Variants in C9orf85 observed in about 807,000 individuals in gnomAD.
The protein encoded by C9orf85 is chromosome 9 open reading frame 85.
In C9orf85, 16 loss-of-function variants were observed where a neutral mutation model predicts 14.9. That is an observed-to-expected ratio of 1.08 (90% CI 0.73 to 1.63). The LOEUF (loss-of-function observed/expected upper bound fraction) is 1.63, where lower values mean the gene tolerates loss of function less well. Ranked by LOEUF, C9orf85 falls within the 40% of genes most tolerant of loss-of-function variation. C9orf85 has a pLI of 0.00. For missense variants in C9orf85, 172 were observed against 186.1 expected (o/e 0.92, Z 0.44); for synonymous variants, 45 against 56.8 (o/e 0.79, Z 0.93).
chr9:71,917,216 G>A (rs1827672088), intron 1 of C9orf85, among the ~76,000 whole-genome samples: 1 of 152,190 alleles, frequency 6.6e-6, no homozygotes, highest in South Asian at 2.1e-4. Flanking sequence ...ACAGAAATGA[G>A]TGTGGTTTAT....
chr9:71,966,865 A>C (rs1822706471), intron 2 of C9orf85, among the ~76,000 whole-genome samples: 1 of 152,220 alleles, frequency 6.6e-6, no homozygotes, highest in African/African-American at 2.4e-5. Context: ...AGCTGAGTTG[A>C]TCTTTCCTAG....
intron 2 of C9orf85, among the ~76,000 whole-genome samples, chr9:71,966,781 G>T (rs962587753): frequency 3.9e-5 from 6 of 152,208 alleles, no homozygotes; most frequent in African/African-American, 1.4e-4. Context: ...GTCTTGTTAT[G>T]CAGATGAAAC....
intron 1 of C9orf85, among the ~76,000 whole-genome samples, chr9:71,940,242 G>A (rs905259154): frequency 3.3e-5 from 5 of 151,868 alleles, no homozygotes; most frequent in South Asian, 4.2e-4. Context: ...AAAAAAAGAC[G>A]CAAAAGATTT....
chr9:71,915,634 G>A (rs756869724), intron 1 of C9orf85, among the ~76,000 whole-genome samples: 15 of 151,828 alleles, frequency 9.9e-5, no homozygotes, highest in Non-Finnish European at 2.9e-5. Context: ...AAGTATATAA[G>A]GTACTGTATA....
chr9:71,933,874 CT>C (rs1011009245), intron 1 of C9orf85, among the ~76,000 whole-genome samples: 1 of 151,014 alleles, frequency 6.6e-6, no homozygotes, highest in African/African-American at 2.4e-5. Context: ...TTTTTTTTTT[CT>C]GATCCCGAAT....
intron 1 of C9orf85, among the ~76,000 whole-genome samples, chr9:71,924,987 C>T (rs1352560594): frequency 2.0e-5 from 3 of 152,050 alleles, no homozygotes; most frequent in Non-Finnish European, 2.9e-5. Flanking sequence ...TGAATTTAAA[C>T]GCACCAATAC....
At chr9:71,944,778 A>G (rs1181498628) in intron 1 of C9orf85, among the ~76,000 whole-genome samples, 3 of 152,128 alleles carry the variant, frequency 2.0e-5, no homozygotes, top group African/African-American at 7.2e-5. Flanking sequence ...GAAAAGTACT[A>G]TTCTTTCTCA....
chr9:71,981,103 C>T (rs540458947), intron 3 of C9orf85, among the ~76,000 whole-genome samples: 1 of 152,300 alleles, frequency 6.6e-6, no homozygotes, highest in South Asian at 2.1e-4. Flanking sequence ...CAGTGAGGGG[C>T]CAGGCTGTCT....
rs201124888 is a variant in C9orf85 at position 71,911,759 on chromosome 9, G to A, written c.25G>A (p.Ala9Thr). MSSQKGNV[A>T]RSRPQKHQNT... ...GATGAGCTCCCAGAAAGGCAACGTG[G>A]CTCGTTCCAGACCTCAGAAGCACCA... Residue 9 changes from alanine to threonine, a missense_variant, in exon 1 of 4, where the codon GCT (alanine) becomes ACT (threonine). Transcript: ENST00000334731. 1.8e-5 allele frequency: 29 copies of A among 1,614,068 alleles called. No homozygotes were observed. In the East Asian group the frequency reaches 6.5e-4, roughly 36 times the overall value.
At chr9:71,938,829 A>G (rs1828257942) in intron 1 of C9orf85, among the ~76,000 whole-genome samples, 1 of 151,730 alleles carries the variant, frequency 6.6e-6, no homozygotes, top group Non-Finnish European at 1.5e-5. Context: ...ATATTCAGAA[A>G]TTGGAAACAT....
chr9:71,949,402 C>T (rs1045502932), intron 2 of C9orf85, among the ~76,000 whole-genome samples: 94 of 152,248 alleles, frequency 6.2e-4, no homozygotes, highest in African/African-American at 2.1e-3. Flanking sequence ...TGTAAATTTT[C>T]CAGATGCTAT....
At chr9:71,950,243 G>C (rs1589261070) in intron 2 of C9orf85, among the ~76,000 whole-genome samples, 1 of 152,284 alleles carries the variant, frequency 6.6e-6, no homozygotes, top group East Asian at 1.9e-4. Flanking sequence ...TAAGGGATTT[G>C]AATCCATTGC....
At chr9:71,917,781 A>T (rs937745252) in intron 1 of C9orf85, among the ~76,000 whole-genome samples, 2 of 152,222 alleles carry the variant, frequency 1.3e-5, no homozygotes, top group African/African-American at 2.4e-5. Flanking sequence ...AGCAGTGAAG[A>T]TTATAAGAGC....
intron 1 of C9orf85, among the ~76,000 whole-genome samples, chr9:71,939,250 T>C (rs1281616547): frequency 1.3e-5 from 2 of 151,962 alleles, no homozygotes; most frequent in Non-Finnish European, 2.9e-5. Flanking sequence ...TATTATTGTA[T>C]GACTTTCTTC....
chr9:71,977,449 G>A (rs548332866), downstream of C9orf85, among the ~76,000 whole-genome samples: 3 of 152,266 alleles, frequency 2.0e-5, no homozygotes, highest in South Asian at 6.2e-4. Context: ...ATTACATTCT[G>A]CAAAAGAAGA....
chr9:71,963,945 G>T (rs1326038436), intron 2 of C9orf85, among the ~76,000 whole-genome samples: 2 of 152,222 alleles, frequency 1.3e-5, no homozygotes, highest in Admixed American at 6.5e-5. Context: ...GGGACTGGCA[G>T]GCAGCTCCAT....
At chr9:71,983,553 T>G (rs140952849), downstream of C9orf85, 386 of 152,358 alleles carry the variant, frequency 2.5e-3, 6 homozygotes, top group African/African-American at 9.1e-3. Flanking sequence ...ATCCTGGTAT[T>G]GACAGAGGTT....
intron 1 of C9orf85, among the ~76,000 whole-genome samples, chr9:71,945,095 G>A (rs1822050356): frequency 6.6e-6 from 1 of 152,136 alleles, no homozygotes; most frequent in African/African-American, 2.4e-5. Flanking sequence ...AAAATTGCAG[G>A]TAGTGAAATG....
At chr9:71,954,266 G>GC (rs1379399550) in intron 2 of C9orf85, among the ~76,000 whole-genome samples, 3 of 145,364 alleles carry the variant, frequency 2.1e-5, no homozygotes, top group Admixed American at 1.4e-4. Flanking sequence ...TGGCTGGGGG[G>GC]ATTGGTTGGT....
Sources: allele counts gnomAD v4.1 joint callset (sites outside exome capture counted in the v4.1 genomes callset), GRCh38; gene constraint gnomAD v4.1.1; transcripts MANE v1.5; gene names NCBI Gene and HGNC (gene_info 2026-07-23, HGNC 2026-07-21).